The following BBIP1 variants were observed in gnomAD, a reference collection of about 807,000 sequenced individuals.
BBIP1 encodes BBSome-interacting protein 1.
In BBIP1, 6 loss-of-function variants were observed where a neutral mutation model predicts 8.9. That is an observed-to-expected ratio of 0.67 (90% confidence interval 0.37 to 1.33). The LOEUF (loss-of-function observed/expected upper bound fraction) is 1.33, where lower values mean the gene tolerates loss of function less well. Ranked by LOEUF, BBIP1 falls within the 40% of genes most tolerant of loss-of-function variation. BBIP1 has a pLI of 0.02. For missense variants in BBIP1, 111 were observed against 109.2 expected, an observed-to-expected ratio of 1.02 and a Z score of -0.07; for synonymous variants, 32 against 33.4, an observed-to-expected ratio of 0.96 and a Z score of 0.14.
intron 2 of BBIP1, among the ~76,000 whole-genome samples, chr10:110,913,507 A>G (rs1846325724): frequency 6.6e-6 from 1 of 152,222 alleles, no homozygotes; most frequent in African/African-American, 2.4e-5. Context: ...GTGCTGCCAA[A>G]TTGTGTTCTT....
chr10:110,905,571 C>G (rs1355208037), intron 2 of BBIP1, among the ~76,000 whole-genome samples: 1 of 149,540 alleles, frequency 6.7e-6, no homozygotes, highest in African/African-American at 2.5e-5. Context: ...TCCCCCCACC[C>G]CTCCAAAAAA....
rs143783157 is a variant in BBIP1, at chr10:110,911,454, T to G, written c.37+6667A>C. On this transcript the variant is annotated intron_variant, in intron 2 of 3. Transcript: ENST00000448814. ...AGAATAACAATAGCAACACAGTGTT[T>G]AGTACGAAGTCATGCATGTATTTCA... 3.4e-3 allele frequency: 518 copies of G among 152,124 alleles called. 4 individuals are homozygous for G. The highest frequency in any genetic ancestry group is 0.012 in the African/African-American group (505 of 41,506). 9.4% of individuals were successfully genotyped at this position (152,124 alleles called of 1,614,324 possible). A position where few individuals can be genotyped will look rare whatever the true frequency, so the allele number is the denominator to read the frequency against.
chr10:110,914,290 G>A (rs565011332), intron 2 of BBIP1, among the ~76,000 whole-genome samples: 1 of 152,148 alleles, frequency 6.6e-6, no homozygotes, highest in East Asian at 1.9e-4. Context: ...TATTTATTAA[G>A]TTGGGTCCCT....
chr10:110,908,587 C>T (rs904939716), intron 2 of BBIP1, among the ~76,000 whole-genome samples: 24 of 152,128 alleles, frequency 1.6e-4, no homozygotes, highest in African/African-American at 3.9e-4. Flanking sequence ...GAAACAGGCA[C>T]ATAAGCGAAG....
Position 110,913,822 on chromosome 10 carries a change from A to G in BBIP1, c.37+4299T>C, listed in dbSNP as rs577337725. On this transcript the variant is annotated intron_variant, in intron 2 of 3. Coordinates refer to ENST00000448814, the MANE Select transcript of BBIP1 (RefSeq NM_001195305.3). ...TATGTTTTCATGTTAAGAAACATAC[A>G]TGTCATAAACTGGTAACCCTTGAAG... Among the ~76,000 whole-genome samples the G allele has an allele frequency of 8.5e-5, 13 of 152,358 alleles. No homozygotes were observed. The East Asian group carries it at 2.3e-3, about 27-fold the overall frequency.
intron 1 of BBIP1, among the ~76,000 whole-genome samples, chr10:110,918,616 C>T (rs113042931): frequency 1.3e-5 from 2 of 152,262 alleles, no homozygotes; most frequent in South Asian, 4.1e-4. Context: ...CCCGCCCATT[C>T]CCCGCTGGGG....
rs1460370318 is a variant in BBIP1 at position 110,898,768 on chromosome 10, T to A, written c.*1592A>T. 1 of 152,652 alleles carries A rather than the reference T, an allele frequency of 6.6e-6. No individual in the cohort carries two copies. Among genetic ancestry groups the A allele is most frequent in the Non-Finnish European group, 1.5e-5 (1 of 68,034 alleles). The allele number at this position is 152,652 out of a possible 1,614,324, so 9.5% of individuals were successfully genotyped here. A position where few individuals can be genotyped will look rare whatever the true frequency, so the allele number is the denominator to read the frequency against. The stretch of plus-strand genomic sequence containing the variant: ...ATTCTTTATTGGGAGTACATTTTTT[T>A]AGGTCTCTTAAACTTTAATTTCACA... On this transcript the variant is annotated 3_prime_UTR_variant, in exon 4 of 4. Transcript: ENST00000448814.
intron 1 of BBIP1, among the ~76,000 whole-genome samples, chr10:110,918,509 C>T (rs1846495970): frequency 6.6e-6 from 1 of 152,216 alleles, no homozygotes; most frequent in Non-Finnish European, 1.5e-5. Context: ...AATTCTCCTC[C>T]CTCCAAAGGC....
At chr10:110,904,243 A>G (rs1659655446) in intron 2 of BBIP1, 1 of 148,272 alleles carries the variant, frequency 6.7e-6, no homozygotes, top group African/African-American at 2.6e-5. Flanking sequence ...AATTCAATAA[A>G]TATGTGAGTT....
intron 1 of BBIP1, among the ~76,000 whole-genome samples, chr10:110,918,659 G>C (rs1329907283): frequency 6.6e-6 from 1 of 152,252 alleles, no homozygotes; most frequent in African/African-American, 2.4e-5. Context: ...GGCTGGGTTA[G>C]GGCGGCCTGT....
chr10:110,918,427 C>T (rs1846490298), intron 1 of BBIP1, among the ~76,000 whole-genome samples: 2 of 152,198 alleles, frequency 1.3e-5, no homozygotes, highest in African/African-American at 4.8e-5. Context: ...AGATTGAGGT[C>T]CTGCCCTGGT....
intron 2 of BBIP1, chr10:110,901,889 T>C (rs184385790): frequency 7.1e-4 from 272 of 381,194 alleles, no homozygotes; most frequent in African/African-American, 4.9e-3. Flanking sequence ...GCTTCAGTTT[T>C]TAAGGCAAAG....
intron 2 of BBIP1, chr10:110,903,036 G>A (rs1846043036): frequency 6.6e-6 from 1 of 151,810 alleles, no homozygotes; most frequent in African/African-American, 2.4e-5. Context: ...ACATCACAGT[G>A]AAAATATTCA....
intron 2 of BBIP1, chr10:110,903,102 G>T (rs1460830648): frequency 6.6e-6 from 1 of 152,186 alleles, no homozygotes; most frequent in Non-Finnish European, 1.5e-5. Context: ...CACTGAAAGG[G>T]AGGACATTAT....
chr10:110,912,255 G>A lies in BBIP1; in HGVS notation c.37+5866C>T, dbSNP rs561268588. ...AATAAATCTCTTAGGAAGAAAAACT[G>A]CTTTTTGACTCTAGATTTTGTTTAT... is the stretch of plus-strand genomic sequence containing the variant. On this transcript the variant is annotated intron_variant, in intron 2 of 3. Coordinates refer to ENST00000448814, the MANE Select transcript of BBIP1 (RefSeq NM_001195305.3). The A allele has an allele frequency of 2.7e-5, 4 of 150,212 alleles. No individual in the cohort carries two copies. The South Asian group carries it at 8.4e-4, about 32-fold the overall frequency. The allele number at this position is 150,212 out of a possible 1,614,324, so 9.3% of individuals were successfully genotyped here. A position where few individuals can be genotyped will look rare whatever the true frequency, so the allele number is the denominator to read the frequency against.
At chr10:110,910,067 G>T (rs767935537) in intron 2 of BBIP1, among the ~76,000 whole-genome samples, 2 of 152,194 alleles carry the variant, frequency 1.3e-5, no homozygotes, top group Non-Finnish European at 2.9e-5. Context: ...TGTGCCTTAA[G>T]AAATGAAAAC....
At position 110,903,928 on chromosome 10, in the gene BBIP1, G is replaced by GT; in HGVS notation, c.38-2317dup. The GT allele has an allele frequency of 2.6e-5, 4 of 152,290 alleles. No homozygotes were observed. In the Middle Eastern group the frequency reaches 0.014, roughly 514 times the overall value. The allele number at this position is 152,290 out of a possible 1,614,324, so 9.4% of individuals were successfully genotyped here. A position where few individuals can be genotyped will look rare whatever the true frequency, so the allele number is the denominator to read the frequency against. On this transcript the variant is annotated intron_variant, in intron 2 of 3. Coordinates refer to ENST00000448814, the MANE Select transcript of BBIP1 (RefSeq NM_001195305.3). Reference sequence around the variant, plus strand: ...ACAATATCATGAGCATTACAACGGGGTATGACATCATTAAGCAATAGGAAT... The same window carrying GT: ...ACAATATCATGAGCATTACAACGGGGTTATGACATCATTAAGCAATAGGAAT...
intron 2 of BBIP1, chr10:110,904,992 A>G (rs1421180727): frequency 6.6e-6 from 1 of 152,248 alleles, no homozygotes; most frequent in Non-Finnish European, 1.5e-5. Flanking sequence ...AATGGAGAAG[A>G]ATCTGCTGTT....
chr10:110,915,735 G>C (rs558218487), intron 2 of BBIP1, among the ~76,000 whole-genome samples: 53 of 151,834 alleles, frequency 3.5e-4, no homozygotes, highest in African/African-American at 1.3e-3. Context: ...ACAGGGTCTC[G>C]CTCTGTTGCC....
Sources: gnomAD v4.1 joint callset for allele counts (sites outside exome capture counted in the v4.1 genomes callset) on GRCh38, gnomAD v4.1.1 for gene constraint, MANE v1.5 for transcripts, NCBI Gene and HGNC (gene_info 2026-07-23, HGNC 2026-07-21) for gene names.